Variants in PPP3CC observed in about 807,000 individuals in gnomAD.
PPP3CC encodes protein phosphatase 3 catalytic subunit gamma.
PPP3CC carries 35 observed loss-of-function variants against 60.3 expected under a neutral mutation model. The observed-to-expected ratio is 0.58, with a 90% CI of 0.44 to 0.77. The LOEUF is 0.77. Among genes scored for constraint, PPP3CC ranks in the 30% least tolerant of loss-of-function variants. The probability of loss-of-function intolerance (pLI) is 0.00; values close to 1 mark genes in which losing one functional copy is unlikely to be tolerated. For synonymous variants in PPP3CC, 206 were observed against 224.3 expected, an observed-to-expected ratio of 0.92 and a Z score of 0.73; for missense variants, 570 against 628.9, an observed-to-expected ratio of 0.91 and a Z score of 1.00.
At chr8:22,485,893 G>T (rs1397291844) in intron 3 of PPP3CC, among the ~76,000 whole-genome samples, 1 of 152,176 alleles carries the variant, frequency 6.6e-6, no homozygotes, top group Non-Finnish European at 1.5e-5. Context: ...GTTTTGATTG[G>T]TGAGTGATGG....
Position 22,511,178 on chromosome 8 carries a change from T to C in PPP3CC, c.577T>C (p.Cys193Arg). Residue 193 changes from cysteine (C) to arginine (R), a missense_variant, in exon 5 of 14, where the codon TGT becomes CGT. Coordinates refer to ENST00000240139, the MANE Select transcript of PPP3CC (RefSeq NM_005605.5). Reference sequence around the variant, plus strand: ...TGCCCTCTTAAACCAGCAGTTTCTCTGTGTACATGGAGGAATGTCACCTGA... The same window carrying C: ...TGCCCTCTTAAACCAGCAGTTTCTCCGTGTACATGGAGGAATGTCACCTGA... ...LAALLNQQFL[C>R]VHGGMSPEIT... 6.2e-7 allele frequency: 1 copy of C among 1,613,882 alleles called. No individual in the cohort carries two copies. Among genetic ancestry groups the C allele is most frequent in the Non-Finnish European group, 8.5e-7 (1 of 1,179,724 alleles).
At chr8:22,489,530 A>T (rs1292989977) in intron 3 of PPP3CC, among the ~76,000 whole-genome samples, 1 of 148,182 alleles carries the variant, frequency 6.7e-6, no homozygotes, top group African/African-American at 2.5e-5. Context: ...GCACAAGCAA[A>T]GTCCTTTACT....
At chr8:22,479,591 AAAAT>A (rs1837999312) in intron 3 of PPP3CC, among the ~76,000 whole-genome samples, 1 of 151,996 alleles carries the variant, frequency 6.6e-6, no homozygotes, top group South Asian at 2.1e-4. Flanking sequence ...TAAAAATACA[AAAAT>A]TAGCCAGGTG....
chr8:22,449,955 C>A (rs1444374259), intron 1 of PPP3CC, among the ~76,000 whole-genome samples: 1 of 150,590 alleles, frequency 6.6e-6, no homozygotes, highest in Admixed American at 6.6e-5. Context: ...CAACCTCTGT[C>A]TCCCGGGTTC....
chr8:22,458,592 C>G (rs1350154726), intron 1 of PPP3CC, among the ~76,000 whole-genome samples: 1 of 147,602 alleles, frequency 6.8e-6, no homozygotes, highest in Admixed American at 6.8e-5. Context: ...AGCGAGACAC[C>G]GTCTCAAAAA....
intron 8 of PPP3CC, among the ~76,000 whole-genome samples, chr8:22,525,190 C>T (rs961098259): frequency 4.6e-5 from 7 of 152,106 alleles, no homozygotes; most frequent in Non-Finnish European, 7.4e-5. Context: ...GTTCATTCTA[C>T]CTGAGTATTC....
chr8:22,485,562 A>G (rs7010861), intron 3 of PPP3CC, among the ~76,000 whole-genome samples: 9,963 of 152,224 alleles, frequency 0.065, 886 homozygotes, highest in African/African-American at 0.2. Flanking sequence ...AAGCCGTTAG[A>G]GGAGGGGGTG....
chr8:22,532,877 G>A, intron 11 of PPP3CC, 44 bp from the exon 12 acceptor site: 1 of 1,336,366 alleles, frequency 7.5e-7, no homozygotes, highest in Non-Finnish European at 1.0e-6. Context: ...TTGCTGAATG[G>A]AGAGTTCTCG....
intron 3 of PPP3CC, among the ~76,000 whole-genome samples, chr8:22,495,255 T>A (rs1024101496): frequency 3.9e-5 from 6 of 152,204 alleles, no homozygotes; most frequent in African/African-American, 1.4e-4. Context: ...AGCCATACTT[T>A]GCTTTTTTCA....
chr8:22,444,703 A>G (rs1443356302), intron 1 of PPP3CC, among the ~76,000 whole-genome samples: 1 of 152,218 alleles, frequency 6.6e-6, no homozygotes, highest in Non-Finnish European at 1.5e-5. Flanking sequence ...AATGTACCCT[A>G]GTAGGTTGCT....
intron 10 of PPP3CC, among the ~76,000 whole-genome samples, chr8:22,529,526 C>T (rs1839645893): frequency 6.6e-6 from 1 of 152,102 alleles, no homozygotes; most frequent in Admixed American, 6.5e-5. Flanking sequence ...TTCTGTCACC[C>T]AGGCTGGAGT....
intron 3 of PPP3CC, among the ~76,000 whole-genome samples, chr8:22,481,270 G>A (rs1747755266): frequency 6.6e-6 from 1 of 151,934 alleles, no homozygotes; most frequent in South Asian, 2.1e-4. Context: ...GGGAGGCAGA[G>A]GTTGCAGTGA....
At chr8:22,502,941 C>T (rs1328301047) in intron 4 of PPP3CC, among the ~76,000 whole-genome samples, 1 of 152,100 alleles carries the variant, frequency 6.6e-6, no homozygotes, top group Non-Finnish European at 1.5e-5. Context: ...TAATCTCAAA[C>T]TCATGCAATC....
chr8:22,441,664 A>T (rs1021511584), intron 1 of PPP3CC, among the ~76,000 whole-genome samples: 1 of 151,846 alleles, frequency 6.6e-6, no homozygotes, highest in African/African-American at 2.4e-5. Context: ...CCTGGCCGTC[A>T]GTGCCAAGTT....
intron 4 of PPP3CC, among the ~76,000 whole-genome samples, chr8:22,500,278 TAAGG>T (rs1838724538): frequency 6.6e-6 from 1 of 152,128 alleles, no homozygotes; most frequent in African/African-American, 2.4e-5. Context: ...CTCTATAAAA[TAAGG>T]AAGCTAAACT....
chr8:22,521,760 T>C (rs1384480692), intron 6 of PPP3CC, among the ~76,000 whole-genome samples: 2 of 152,202 alleles, frequency 1.3e-5, no homozygotes, highest in Non-Finnish European at 2.9e-5. Context: ...ATACTCCAGT[T>C]CTTCCTATCA....
chr8:22,471,551 T>C (rs149268133), intron 1 of PPP3CC, among the ~76,000 whole-genome samples: 1 of 152,322 alleles, frequency 6.6e-6, no homozygotes. Context: ...CAGGTTACTG[T>C]ACTGGATACT....
At chr8:22,493,116 A>C in intron 3 of PPP3CC, 1 of 1,555,478 alleles carries the variant, frequency 6.4e-7, no homozygotes. Context: ...GGCAAACTGA[A>C]TTGAGTCAAC....
chr8:22,469,905 A>G (rs1161752522), intron 1 of PPP3CC, among the ~76,000 whole-genome samples: 1 of 151,972 alleles, frequency 6.6e-6, no homozygotes, highest in Non-Finnish European at 1.5e-5. Flanking sequence ...GTTACATGGC[A>G]GTAGATAATT....
Sources: gnomAD v4.1 joint callset for allele counts (sites outside exome capture counted in the v4.1 genomes callset) on GRCh38, gnomAD v4.1.1 for gene constraint, MANE v1.5 for transcripts, NCBI Gene and HGNC (gene_info 2026-07-23, HGNC 2026-07-21) for gene names.